The following SLCO1C1 variants were observed in gnomAD, a reference collection of about 807,000 sequenced individuals.
SLCO1C1 encodes the protein solute carrier organic anion transporter family member 1C1.
Under a neutral mutation model 76.4 loss-of-function variants are expected in SLCO1C1, and 70 were observed. That is an observed-to-expected ratio of 0.92 (90% CI 0.76 to 1.12). SLCO1C1 has a LOEUF of 1.12. SLCO1C1 is among the 50% of genes most tolerant of loss of function. SLCO1C1 has a pLI of 0.00. For synonymous variants in SLCO1C1, 306 were observed against 286.1 expected (o/e 1.07, Z -0.70); for missense variants, 912 against 823.8 (o/e 1.11, Z -1.31).
At position 20,699,863 on chromosome 12, in the gene SLCO1C1, G is replaced by A. The variant is rs566228597; in HGVS notation, c.129+158G>A. ...AACCACACCTTGCCAGGCGGTGCAA[G>A]CAATCTCTACCTGACCATGTGGGTT... is the stretch of plus-strand genomic sequence containing the variant. On this transcript the variant is annotated intron_variant, in intron 2 of 14. Coordinates refer to ENST00000266509, the MANE Select transcript of SLCO1C1 (RefSeq NM_017435.5). 7.2e-5 allele frequency: 56 copies of A among 777,590 alleles called. No homozygotes were observed. The South Asian group carries it at 1.4e-3, about 19-fold the overall frequency. The allele number at this position is 777,590 out of a possible 1,614,324, so 48.2% of individuals were successfully genotyped here.
In SLCO1C1 at chr12:20,723,154, C is replaced by G; in HGVS notation, c.1086C>G (p.Ser362Arg). ...NPVYFLYLCT[S>R]TVQFNSLFGM... Reference sequence around the variant, plus strand: ...TATACTTCCTATATTTATGTACAAGCACTGTTCAGTTCAATTCTCTGTTCG... The same window carrying G: ...TATACTTCCTATATTTATGTACAAGGACTGTTCAGTTCAATTCTCTGTTCG... The change falls in exon 9 of 15, where the codon AGC becomes AGG. Residue 362 changes from serine (S) to arginine (R), a missense_variant. Physicochemically the swap from Ser to Arg is moderately radical, Grantham distance 110. Coordinates refer to ENST00000266509, the MANE Select transcript of SLCO1C1 (RefSeq NM_017435.5). 1.2e-6 allele frequency: 2 copies of G among 1,614,054 alleles called. No homozygotes were observed. Among genetic ancestry groups the G allele is most frequent in the Admixed American group, 1.7e-5 (1 of 60,004 alleles).
At chr12:20,697,036 A>G (rs1946299956) in intron 1 of SLCO1C1, 1 of 151,998 alleles carries the variant, frequency 6.6e-6, no homozygotes. Context: ...CAACACCTCC[A>G]TATATTAGAT....
chr12:20,711,775 G>A (rs908989283), intron 5 of SLCO1C1, among the ~76,000 whole-genome samples: 2 of 152,142 alleles, frequency 1.3e-5, no homozygotes, highest in East Asian at 3.8e-4. Flanking sequence ...TGAATAAGTG[G>A]GTTTTGAAAG....
At chr12:20,751,009 G>A (rs926173537) in intron 14 of SLCO1C1, 1 of 867,510 alleles carries the variant, frequency 1.2e-6, no homozygotes, top group South Asian at 2.1e-5. Context: ...CATTTTAAAT[G>A]AGTAATCATT....
At chr12:20,701,570 A>G in intron 3 of SLCO1C1, 111 bp downstream of exon 3, 1 of 735,756 alleles carries the variant, frequency 1.4e-6, no homozygotes, top group Non-Finnish European at 1.8e-6. Flanking sequence ...TATTCATAAA[A>G]TCTTTTTTTT....
At chr12:20,743,821 T>C (rs1156327179) in intron 13 of SLCO1C1, among the ~76,000 whole-genome samples, 1 of 152,034 alleles carries the variant, frequency 6.6e-6, no homozygotes, top group Non-Finnish European at 1.5e-5. Context: ...TAAGGTATTA[T>C]TTAAACCATG....
chr12:20,736,811 C>T (rs973981785), intron 10 of SLCO1C1, among the ~76,000 whole-genome samples: 4 of 152,050 alleles, frequency 2.6e-5, no homozygotes, highest in Admixed American at 2.6e-4. Flanking sequence ...TTTTTATACA[C>T]CTTTGCACAG....
intron 12 of SLCO1C1, 113 bp downstream of exon 12, chr12:20,740,481 T>C: frequency 3.3e-6 from 3 of 909,754 alleles, no homozygotes; most frequent in Non-Finnish European, 3.3e-6. Flanking sequence ...TTCAAGAAAC[T>C]TGTCCCACAT....
At chr12:20,726,561 A>G (rs2120788004) in intron 9 of SLCO1C1, among the ~76,000 whole-genome samples, 1 of 152,312 alleles carries the variant, frequency 6.6e-6, no homozygotes, top group South Asian at 2.1e-4. Flanking sequence ...TAAAATTTAA[A>G]TCCAAGAGCT....
chr12:20,701,752 G>A (rs562496407), intron 3 of SLCO1C1, among the ~76,000 whole-genome samples: 24 of 151,874 alleles, frequency 1.6e-4, no homozygotes, highest in Admixed American at 1.6e-3. Context: ...ATGCTAATTG[G>A]TATTTTGAGT....
intron 3 of SLCO1C1, among the ~76,000 whole-genome samples, chr12:20,705,223 A>T (rs1371622961): frequency 1.3e-5 from 2 of 152,010 alleles, no homozygotes; most frequent in Non-Finnish European, 2.9e-5. Context: ...CATAATTTCT[A>T]CTTTCAAAAA....
intron 8 of SLCO1C1, 125 bp downstream of exon 8, chr12:20,722,174 A>C (rs991670987): frequency 9.7e-6 from 12 of 1,238,510 alleles, no homozygotes; most frequent in Non-Finnish European, 1.2e-5. Context: ...AGAAGCAAAA[A>C]TGGAAATTGA....
rs766258929 is a variant in SLCO1C1, at chr12:20,737,133, G to A, written c.1409G>A (p.Arg470Gln). The A allele has an allele frequency of 2.2e-5, 34 of 1,528,502 alleles. 1 individual carries two copies. The highest frequency in any genetic ancestry group is 1.3e-4 in the South Asian group (10 of 76,624). 94.7% of individuals were successfully genotyped at this position (1,528,502 alleles called of 1,614,324 possible). The change falls in exon 11 of 15, where the codon CGA (arginine) becomes CAA (glutamine). Residue 470 changes from arginine to glutamine, a missense_variant. Physicochemically the swap from Arg to Gln is conservative, Grantham distance 43. Transcript: ENST00000266509. ...ACCAAACCTGTCTCTTATCATGAAC[G>A]AGCTCTCTTTTCAGATTGCAACTCA... Reference protein sequence around the residue: ...QGTKPVSYHERALFSDCNSRC... With the variant: ...QGTKPVSYHEQALFSDCNSRC...
intron 9 of SLCO1C1, among the ~76,000 whole-genome samples, chr12:20,728,439 A>G (rs1338596860): frequency 6.6e-6 from 1 of 151,882 alleles, no homozygotes; most frequent in Non-Finnish European, 1.5e-5. Context: ...ATTTTTGCAT[A>G]ATTTCTCAGA....
At position 20,711,392 on chromosome 12, in the gene SLCO1C1, A is replaced by G. The variant is rs1375921873; in HGVS notation, c.411A>G (p.Lys137=). The change falls in exon 5 of 15, where the codon AAA becomes AAG. Residue 137 remains lysine, a synonymous_variant. Transcript: ENST00000266509. ...AAACATTCCTCTTATGCAGGTACAAATATGAGAGATATTCTCCTTCCTCCA... is the reference window on the plus strand; with the variant it reads ...AAACATTCCTCTTATGCAGGTACAAGTATGAGAGATATTCTCCTTCCTCCA... ...AMPQFFMEQY[K]YERYSPSSNS... The G allele has an allele frequency of 6.2e-7, 1 of 1,612,226 alleles. No individual in the cohort carries two copies. Among genetic ancestry groups the G allele is most frequent in the South Asian group, 1.1e-5 (1 of 90,510 alleles).
At position 20,699,846 on chromosome 12, in the gene SLCO1C1, C is replaced by T. The variant is rs1042898246; in HGVS notation, c.129+141C>T. ...TAGATGCAATTTACTAAAACCACAC[C>T]TTGCCAGGCGGTGCAAGCAATCTCT... On this transcript the variant is annotated intron_variant, in intron 2 of 14. Coordinates refer to ENST00000266509, the MANE Select transcript of SLCO1C1 (RefSeq NM_017435.5). 6.9e-6 allele frequency: 7 copies of T among 1,016,014 alleles called. No homozygotes were observed. The African/African-American group carries it at 1.0e-4, about 15-fold the overall frequency. 62.9% of individuals were successfully genotyped at this position (1,016,014 alleles called of 1,614,324 possible).
At chr12:20,746,098 T>C (rs990766236) in intron 13 of SLCO1C1, among the ~76,000 whole-genome samples, 1 of 152,036 alleles carries the variant, frequency 6.6e-6, no homozygotes, top group Non-Finnish European at 1.5e-5. Context: ...TTATGGGACT[T>C]TTTTTATACT....
rs1555122286 is a variant in SLCO1C1, at chr12:20,710,223, T to TTTTTTTC, written c.405-1161_405-1160insTTTTCTT. On this transcript the variant is annotated intron_variant, in intron 4 of 14. Transcript: ENST00000266509. ...TTCTTTTTTTTTTTTTTTTTTTTTT[T>TTTTTTTC]TTGAGATGGAGTCTCGCTCTGTCGC... 3.0e-5 allele frequency among the ~76,000 whole-genome samples: 4 copies of TTTTTTTC among 133,776 alleles called. 1 individual carries two copies. Among genetic ancestry groups the TTTTTTTC allele is most frequent in the East Asian group, 4.5e-4 (2 of 4,402 alleles). 87.8% of individuals were successfully genotyped at this position (133,776 alleles called of 152,430 possible). A position where few individuals can be genotyped will look rare whatever the true frequency, so the allele number is the denominator to read the frequency against.
intron 9 of SLCO1C1, among the ~76,000 whole-genome samples, chr12:20,728,039 T>A (rs1375054651): frequency 1.3e-5 from 2 of 152,194 alleles, no homozygotes; most frequent in African/African-American, 4.8e-5. Flanking sequence ...TTTATCAATT[T>A]TTGGCTTTGT....
Sources: allele counts gnomAD v4.1 joint callset (sites outside exome capture counted in the v4.1 genomes callset), GRCh38; gene constraint gnomAD v4.1.1; transcripts MANE v1.5; gene names NCBI Gene and HGNC (gene_info 2026-07-23, HGNC 2026-07-21).